The following VPS37A variants were observed in gnomAD, a reference collection of about 807,000 sequenced individuals.
VPS37A encodes VPS37A subunit of ESCRT-I, also known as vacuolar protein sorting-associated protein 37A.
Under a neutral mutation model 49.8 loss-of-function variants are expected in VPS37A, and 30 were observed. The observed-to-expected ratio is 0.60, with a 90% CI of 0.45 to 0.82. The LOEUF is 0.82. Among genes scored for constraint, VPS37A ranks in the 40% least tolerant of loss-of-function variants. The probability of loss-of-function intolerance (pLI) is 0.00; values close to 1 mark genes in which losing one functional copy is unlikely to be tolerated. For missense variants in VPS37A, 593 were observed against 464.4 expected, an observed-to-expected ratio of 1.28 and a Z score of -2.55; for synonymous variants, 195 against 160.6, an observed-to-expected ratio of 1.21 and a Z score of -1.62.
chr8:17,305,975 A>G (rs1817426775), downstream of VPS37A: 6 of 1,585,336 alleles, frequency 3.8e-6, no homozygotes, highest in East Asian at 1.4e-4. Flanking sequence ...ACAAAGCATT[A>G]GAGACTTTTT....
intron 11 of VPS37A, among the ~76,000 whole-genome samples, chr8:17,291,361 TTTC>T (rs1205302292): frequency 6.6e-6 from 1 of 152,226 alleles, no homozygotes; most frequent in South Asian, 2.1e-4. Flanking sequence ...TCTTCTCTCT[TTTC>T]TTCTTTTTTA....
intron 11 of VPS37A, among the ~76,000 whole-genome samples, chr8:17,291,706 T>C (rs575361240): frequency 4.7e-4 from 71 of 152,316 alleles, no homozygotes; most frequent in South Asian, 3.1e-3. Flanking sequence ...AAAGAACTTA[T>C]TTATTTCTGT....
intron 1 of VPS37A, among the ~76,000 whole-genome samples, chr8:17,252,413 A>C (rs1249649253): frequency 3.9e-5 from 6 of 152,168 alleles, no homozygotes; most frequent in Non-Finnish European, 8.8e-5. Flanking sequence ...CCTGGGCCCA[A>C]GCACTCTGCC....
intron 1 of VPS37A, among the ~76,000 whole-genome samples, chr8:17,263,191 G>A (rs892266969): frequency 1.3e-5 from 2 of 152,046 alleles, no homozygotes; most frequent in African/African-American, 4.8e-5. Context: ...ATGAGGCTAT[G>A]AATGTGCAAA....
downstream of VPS37A, among the ~76,000 whole-genome samples, chr8:17,302,714 C>T (rs1231579019): frequency 2.5e-5 from 2 of 79,494 alleles, no homozygotes; most frequent in African/African-American, 7.2e-5. Context: ...CCCCCCCCCC[C>T]CCGCTTTTTT....
At chr8:17,270,628 G>A (rs1327481401) in intron 4 of VPS37A, among the ~76,000 whole-genome samples, 1 of 152,112 alleles carries the variant, frequency 6.6e-6, no homozygotes, top group Non-Finnish European at 1.5e-5. Context: ...GATTGAAAGG[G>A]GAGGGAAAGT....
intron 11 of VPS37A, among the ~76,000 whole-genome samples, chr8:17,290,920 A>G (rs1816080072): frequency 6.6e-6 from 1 of 152,108 alleles, no homozygotes; most frequent in South Asian, 2.1e-4. Flanking sequence ...CCAGGAATTT[A>G]TCCATTTCTT....
chr8:17,296,747 A>G lies in VPS37A; in HGVS notation c.*1761A>G, dbSNP rs949973430. ...TTTTCACCAGAAAAACAGAAAAAAA[A>G]GAAACATTTTCTTACAGAGTAAAAA... On this transcript the variant is annotated 3_prime_UTR_variant, in exon 12 of 12. Transcript: ENST00000324849. The G allele has an allele frequency of 1.3e-5, 2 of 152,226 alleles. No homozygotes were observed. Among genetic ancestry groups the G allele is most frequent in the Non-Finnish European group, 2.9e-5 (2 of 68,026 alleles). 9.4% of individuals were successfully genotyped at this position (152,226 alleles called of 1,614,324 possible).
At chr8:17,247,429 T>G in intron 1 of VPS37A, 60 bp downstream of exon 1, 1 of 1,516,798 alleles carries the variant, frequency 6.6e-7, no homozygotes, top group Non-Finnish European at 8.8e-7. Context: ...GGGCTTGTCC[T>G]AACCACCCTC....
rs1435264165 is a variant in VPS37A at position 17,268,313 on chromosome 8, A to G, written c.256A>G (p.Ile86Val). The change falls in exon 3 of 12, where the codon ATA becomes GTA. Residue 86 changes from isoleucine to valine, a missense_variant. Transcript: ENST00000324849. ...ACCAGTGATCAGTGTTTATCCACCAATACGACATCACTTAATGGATAAACA... is the reference window on the plus strand; with the variant it reads ...ACCAGTGATCAGTGTTTATCCACCAGTACGACATCACTTAATGGATAAACA... ...EKPVISVYPP[I>V]RHHLMDKQGV... 5 of 1,613,374 alleles carry G rather than the reference A, an allele frequency of 3.1e-6. No individual in the cohort carries two copies. In the Admixed American group the frequency reaches 5.0e-5, roughly 16 times the overall value.
the VPS37A span, among the ~76,000 whole-genome samples, chr8:17,317,887 T>C: frequency 2.0e-5 from 3 of 152,292 alleles, no homozygotes; most frequent in South Asian, 6.2e-4. Flanking sequence ...CCTCTTTCAA[T>C]CTCCCGTCCT....
chr8:17,304,382 T>C (rs923660622), downstream of VPS37A: 3 of 1,611,888 alleles, frequency 1.9e-6, no homozygotes, highest in Middle Eastern at 1.7e-4. Flanking sequence ...TACATACTTG[T>C]ACATGAAGTT....
downstream of VPS37A, among the ~76,000 whole-genome samples, chr8:17,306,555 C>T (rs1817467288): frequency 6.6e-6 from 1 of 152,198 alleles, no homozygotes; most frequent in African/African-American, 2.4e-5. Context: ...TCGTCTTCCT[C>T]AAATTTGTAT....
intron 1 of VPS37A, among the ~76,000 whole-genome samples, chr8:17,250,042 C>G (rs948623881): frequency 6.6e-6 from 1 of 152,126 alleles, no homozygotes; most frequent in Admixed American, 6.5e-5. Flanking sequence ...TGGACCGGCC[C>G]GGGCTCATAT....
chr8:17,331,269 G>T, the VPS37A span: 1 of 1,607,048 alleles, frequency 6.2e-7, no homozygotes, highest in Admixed American at 1.7e-5. Flanking sequence ...AGCACGATTT[G>T]CCATTGCATT....
chr8:17,319,110 A>G, the VPS37A span, among the ~76,000 whole-genome samples: 5 of 152,230 alleles, frequency 3.3e-5, no homozygotes, highest in African/African-American at 9.6e-5. Context: ...AGTAATAATC[A>G]TGATATACGC....
chr8:17,302,474 G>C, downstream of VPS37A: 1 of 521,836 alleles, frequency 1.9e-6, no homozygotes. Context: ...AATGCCTTTT[G>C]GGGAGAATAA....
chr8:17,248,577 C>T (rs1263129423), intron 1 of VPS37A, among the ~76,000 whole-genome samples: 1 of 152,158 alleles, frequency 6.6e-6, no homozygotes, highest in Non-Finnish European at 1.5e-5. Context: ...CGCCGGGCTC[C>T]TAGCCCTTTT....
chr8:17,253,418 T>C (rs1034259013), intron 1 of VPS37A, among the ~76,000 whole-genome samples: 2 of 152,188 alleles, frequency 1.3e-5, no homozygotes, highest in African/African-American at 4.8e-5. Context: ...CTAACTCTTG[T>C]CAAAAAAGGC....
Sources: allele counts gnomAD v4.1 joint callset (sites outside exome capture counted in the v4.1 genomes callset), GRCh38; gene constraint gnomAD v4.1.1; transcripts MANE v1.5; gene names NCBI Gene and HGNC (gene_info 2026-07-23, HGNC 2026-07-21).